The following PLOD2 variants were observed in gnomAD, a reference collection of about 807,000 sequenced individuals.
The protein encoded by PLOD2 is procollagen-lysine,2-oxoglutarate 5-dioxygenase 2.
In PLOD2, 65 loss-of-function variants were observed where a neutral mutation model predicts 101.0. That is an observed-to-expected ratio of 0.64 (90% CI 0.53 to 0.79). The LOEUF (loss-of-function observed/expected upper bound fraction) is 0.79, where lower values mean the gene tolerates loss of function less well. PLOD2 is among the 30% of genes least tolerant of loss of function. The probability of loss-of-function intolerance (pLI) is 0.00; values close to 1 mark genes in which losing one functional copy is unlikely to be tolerated. For synonymous variants in PLOD2, 314 were observed against 302.9 expected, an observed-to-expected ratio of 1.04 and a Z score of -0.38; for missense variants, 909 against 914.6, an observed-to-expected ratio of 0.99 and a Z score of 0.08.
intron 15 of PLOD2, chr3:146,075,823 C>T (rs1936313646): frequency 6.6e-6 from 1 of 151,490 alleles, no homozygotes; most frequent in Non-Finnish European, 1.5e-5. Flanking sequence ...ATTCCCTTCC[C>T]CAAAGCTAAT....
chr3:146,135,619 CTT>C (rs1483663913), intron 1 of PLOD2, among the ~76,000 whole-genome samples: 2 of 152,090 alleles, frequency 1.3e-5, no homozygotes, highest in Non-Finnish European at 2.9e-5. Flanking sequence ...AAGTGATAAT[CTT>C]TACCAGATAT....
Position 146,104,269 on chromosome 3 carries a change from G to C in PLOD2, c.679+10C>G. ...GTATACGTAAGCAATCCGGTATTTAGGAAGCATACCTACAGCTCCATTTAA... is the reference window on the plus strand; with the variant it reads ...GTATACGTAAGCAATCCGGTATTTACGAAGCATACCTACAGCTCCATTTAA... On this transcript the variant is annotated intron_variant, in intron 6 of 19. Transcript: ENST00000282903. The C allele has an allele frequency of 6.5e-7, 1 of 1,539,638 alleles. No individual in the cohort carries two copies. The highest frequency in any genetic ancestry group is 9.0e-7 in the Non-Finnish European group (1 of 1,112,054).
chr3:146,124,044 T>C (rs2030380883), intron 2 of PLOD2, 94 bp downstream of exon 2: 1 of 753,912 alleles, frequency 1.3e-6, no homozygotes. Flanking sequence ...AAATGCTATC[T>C]TCCTTGTGAG....
At position 146,132,589 on chromosome 3, in the gene PLOD2, A is replaced by G. The variant is rs140742150; in HGVS notation, c.110-8360T>C. On this transcript the variant is annotated intron_variant, in intron 1 of 19. Transcript: ENST00000282903. ...AATTTTATACATGCCAACATTAAGAACTTTTTTTTTTAGGTTTCCTGATCA... is the reference window on the plus strand; with the variant it reads ...AATTTTATACATGCCAACATTAAGAGCTTTTTTTTTTAGGTTTCCTGATCA... 1.1e-3 allele frequency among the ~76,000 whole-genome samples: 160 copies of G among 151,700 alleles called. 1 individual carries two copies. Among genetic ancestry groups the G allele is most frequent in the African/African-American group, 3.6e-3 (150 of 41,362 alleles).
chr3:146,097,221 A>C (rs560229089), intron 7 of PLOD2, among the ~76,000 whole-genome samples: 1 of 150,614 alleles, frequency 6.6e-6, no homozygotes, highest in East Asian at 2.0e-4. Context: ...CCGGGAGGTG[A>C]GGGGCGCTTC....
chr3:146,147,567 T>C (rs1205016101), intron 1 of PLOD2, among the ~76,000 whole-genome samples: 1 of 152,048 alleles, frequency 6.6e-6, no homozygotes, highest in Non-Finnish European at 1.5e-5. Flanking sequence ...TGCTGTGTAA[T>C]GCAGGACACT....
Position 146,073,321 on chromosome 3 carries a change from T to A in PLOD2, c.1709A>T (p.Tyr570Phe). The A allele has an allele frequency of 8.1e-7, 1 of 1,236,712 alleles. No individual in the cohort carries two copies. The highest frequency in any genetic ancestry group is 1.2e-6 in the Non-Finnish European group (1 of 856,158). The allele number at this position is 1,236,712 out of a possible 1,614,324, so 76.6% of individuals were successfully genotyped here. ...DWKEKYINRD[Y>F]SKIFTENIVE... ...TATATTTTCAGTGAAAATCTTTGAA[T>A]AATCACGGTTTATATACTTTTCCTT... Residue 570 changes from tyrosine to phenylalanine, a missense_variant, in exon 16 of 20, where the codon TAT becomes TTT. Physicochemically the swap from Tyr to Phe is conservative, Grantham distance 22 (BLOSUM62 3). Coordinates refer to ENST00000282903, the MANE Select transcript of PLOD2 (RefSeq NM_182943.3).
intron 1 of PLOD2, among the ~76,000 whole-genome samples, chr3:146,140,392 T>A (rs2031463546): frequency 6.6e-6 from 1 of 152,096 alleles, no homozygotes; most frequent in African/African-American, 2.4e-5. Context: ...GATTTCACTG[T>A]GACCTAGAAA....
intron 1 of PLOD2, among the ~76,000 whole-genome samples, chr3:146,148,521 T>G (rs145546908): frequency 2.0e-5 from 3 of 152,310 alleles, no homozygotes; most frequent in Non-Finnish European, 4.4e-5. Flanking sequence ...TCTCCTTGTA[T>G]AGTGAGCGCC....
chr3:146,106,598 C>A lies in PLOD2; in HGVS notation c.549G>T (p.Trp183Cys). 6.3e-7 allele frequency: 1 copy of A among 1,595,886 alleles called. No homozygotes were observed. The highest frequency in any genetic ancestry group is 8.6e-7 in the Non-Finnish European group (1 of 1,163,532). Residue 183 changes from tryptophan to cysteine, a missense_variant, in exon 5 of 20, where the codon TGG becomes TGT. By Grantham distance (215) the Trp-to-Cys change is radical. Coordinates refer to ENST00000282903, the MANE Select transcript of PLOD2 (RefSeq NM_182943.3). ...GATCATCATCATTATCCTGGAGATT[C>A]CATTGTTGAACTATACGGTTGACAT... ...APYVNRIVQQ[W>C]NLQDNDDDQL...
At chr3:146,096,176 C>T (rs1465421722) in intron 7 of PLOD2, among the ~76,000 whole-genome samples, 3 of 146,638 alleles carry the variant, frequency 2.0e-5, no homozygotes, top group East Asian at 2.1e-4. Flanking sequence ...GATGGAGTCT[C>T]GTTCACTCAG....
chr3:146,100,312 G>A lies in PLOD2; in HGVS notation c.777+2443C>T, dbSNP rs750063425. Among the ~76,000 whole-genome samples, 139 of 152,060 alleles carry A rather than the reference G, an allele frequency of 9.1e-4. 1 individual carries two copies. Among genetic ancestry groups the A allele is most frequent in the Non-Finnish European group, 2.8e-4 (19 of 68,026 alleles). On this transcript the variant is annotated intron_variant, in intron 7 of 19. Coordinates refer to ENST00000282903, the MANE Select transcript of PLOD2 (RefSeq NM_182943.3). ...AAGATTTGTTGAAAGCGTAGTATTC[G>A]CTACACATGTGCTGGACCCTGGGGA...
At chr3:146,130,201 T>C (rs898470663) in intron 1 of PLOD2, among the ~76,000 whole-genome samples, 1 of 152,150 alleles carries the variant, frequency 6.6e-6, no homozygotes, top group African/African-American at 2.4e-5. Flanking sequence ...AAGACCATTA[T>C]CTAATATTCC....
intron 16 of PLOD2, 35 bp from the exon 17 acceptor site, chr3:146,072,700 A>G: frequency 8.0e-7 from 1 of 1,256,054 alleles, no homozygotes; most frequent in Non-Finnish European, 1.2e-6. Context: ...AAGACATAAT[A>G]ACTTCTGTGT....
At chr3:146,099,269 T>C (rs1183483426) in intron 7 of PLOD2, among the ~76,000 whole-genome samples, 2 of 152,192 alleles carry the variant, frequency 1.3e-5, no homozygotes, top group African/African-American at 4.8e-5. Context: ...ATATGTCCTT[T>C]AGTCACTTTT....
rs539270319 is a variant in PLOD2, at chr3:146,157,086, T to A, written c.109+3795A>T. On this transcript the variant is annotated intron_variant, in intron 1 of 19. Coordinates refer to ENST00000282903, the MANE Select transcript of PLOD2 (RefSeq NM_182943.3). ...TTCTAAGCTGTTAAATCATGTAGCA[T>A]ATGGGTTCCCAAGCAGAGAAAGGAA... Among the ~76,000 whole-genome samples the A allele has an allele frequency of 1.4e-4, 21 of 152,260 alleles. No individual in the cohort carries two copies. The Middle Eastern group carries it at 0.01, about 74-fold the overall frequency.
rs2030436311 is a variant in PLOD2 at position 146,124,638 on chromosome 3, ACATT to A, written c.110-413_110-410del. On this transcript the variant is annotated intron_variant, in intron 1 of 19. Coordinates refer to ENST00000282903, the MANE Select transcript of PLOD2 (RefSeq NM_182943.3). ...TCACCAGTGAGGAGATCAGCAAATTACATTCATCAAAATAATGACATACACAAAA... is the reference window on the plus strand; with the variant it reads ...TCACCAGTGAGGAGATCAGCAAATTACATCAAAATAATGACATACACAAAA... Among the ~76,000 whole-genome samples the A allele has an allele frequency of 2.1e-5, 3 of 142,288 alleles. No individual in the cohort carries two copies. The Admixed American group carries it at 2.2e-4, about 10-fold the overall frequency. 93.3% of individuals were successfully genotyped at this position (142,288 alleles called of 152,430 possible). A position where few individuals can be genotyped will look rare whatever the true frequency, so the allele number is the denominator to read the frequency against.
intron 10 of PLOD2, chr3:146,086,546 TTCA>T (rs1321517986): frequency 3.9e-6 from 1 of 254,612 alleles, no homozygotes; most frequent in African/African-American, 2.2e-5. Flanking sequence ...CTTACCTTGA[TTCA>T]TCATTTGATT....
At chr3:146,154,139 T>C (rs1300347234) in intron 1 of PLOD2, among the ~76,000 whole-genome samples, 5 of 152,178 alleles carry the variant, frequency 3.3e-5, no homozygotes, top group African/African-American at 1.2e-4. Flanking sequence ...TATGAAACAC[T>C]TTTCCTGACC....
Sources: allele counts gnomAD v4.1 joint callset (sites outside exome capture counted in the v4.1 genomes callset), GRCh38; gene constraint gnomAD v4.1.1; transcripts MANE v1.5; gene names NCBI Gene and HGNC (gene_info 2026-07-23, HGNC 2026-07-21).